The following DPYD variants were observed in gnomAD, a reference collection of about 807,000 sequenced individuals.
DPYD encodes the protein dihydropyrimidine dehydrogenase, also known as dihydropyrimidine dehydrogenase [NADP(+)].
A neutral mutation model predicts 116.2 loss-of-function variants in DPYD; 109 were observed. That is an observed-to-expected ratio of 0.94 (90% CI 0.80 to 1.10). The LOEUF is 1.10. DPYD is among the 50% of genes least tolerant of loss of function. The pLI, the probability that DPYD is intolerant of heterozygous loss-of-function variation, is 0.00. For missense variants in DPYD, 1,302 were observed against 1,254.5 expected, an observed-to-expected ratio of 1.04 and a Z score of -0.57; for synonymous variants, 440 against 432.0, an observed-to-expected ratio of 1.02 and a Z score of -0.23.
At chr1:97,087,560 G>A (rs1374701995) in intron 21 of DPYD, among the ~76,000 whole-genome samples, 1 of 152,186 alleles carries the variant, frequency 6.6e-6, no homozygotes, top group Non-Finnish European at 1.5e-5. Context: ...GCTTGGGTGA[G>A]AGGGAGATTA....
chr1:97,812,540 A>C (rs867099430), intron 3 of DPYD, among the ~76,000 whole-genome samples: 1 of 152,162 alleles, frequency 6.6e-6, no homozygotes, highest in African/African-American at 2.4e-5. Flanking sequence ...ACAGTAACAC[A>C]ATAATCTAGA....
chr1:97,642,661 C>G (rs1345564814), intron 8 of DPYD, among the ~76,000 whole-genome samples: 3 of 139,532 alleles, frequency 2.2e-5, no homozygotes, highest in Non-Finnish European at 4.5e-5. Context: ...TGTTCTCACT[C>G]ATAGGTGGGA....
intron 1 of DPYD, among the ~76,000 whole-genome samples, chr1:97,887,842 G>C (rs756469802): frequency 3.3e-5 from 5 of 152,014 alleles, no homozygotes; most frequent in Admixed American, 6.6e-5. Context: ...CTGTTCTCAT[G>C]ATAGTGAGTG....
At chr1:97,901,762 C>T (rs888069152) in intron 1 of DPYD, among the ~76,000 whole-genome samples, 13 of 151,754 alleles carry the variant, frequency 8.6e-5, no homozygotes, top group Middle Eastern at 6.8e-3. Context: ...GTCTCCAGTG[C>T]CTTTCAATTA....
In DPYD at chr1:97,534,974, G is replaced by T. The variant is rs1198357607; in HGVS notation, c.1524+14586C>A. Among the ~76,000 whole-genome samples the T allele has an allele frequency of 2.0e-5, 3 of 152,052 alleles. No individual in the cohort carries two copies. The East Asian group carries it at 5.8e-4, about 29-fold the overall frequency. On this transcript the variant is annotated intron_variant, in intron 12 of 22. Transcript: ENST00000370192. Reference sequence around the variant, plus strand: ...ATGAGGTTCAAGATAACGTATTGGAGATTTTAAAAGTTGTTAAGTCCTTGA... The same window carrying T: ...ATGAGGTTCAAGATAACGTATTGGATATTTTAAAAGTTGTTAAGTCCTTGA...
intron 20 of DPYD, among the ~76,000 whole-genome samples, chr1:97,172,395 C>A (rs1656791081): frequency 6.6e-6 from 1 of 152,096 alleles, no homozygotes; most frequent in South Asian, 2.1e-4. Context: ...AAGTATAGAT[C>A]TGATTTCTGT....
intron 20 of DPYD, among the ~76,000 whole-genome samples, chr1:97,171,037 T>C (rs1478156146): frequency 1.3e-5 from 2 of 152,120 alleles, no homozygotes; most frequent in African/African-American, 4.8e-5. Flanking sequence ...AAGGCATTGG[T>C]AGGGAAAATA....
At chr1:97,379,390 G>T (rs1164812204) in intron 15 of DPYD, among the ~76,000 whole-genome samples, 1 of 152,160 alleles carries the variant, frequency 6.6e-6, no homozygotes, top group Non-Finnish European at 1.5e-5. Context: ...GTTAAACTTG[G>T]TAATGATGCA....
At chr1:97,708,103 C>G (rs549879307) in intron 5 of DPYD, among the ~76,000 whole-genome samples, 1 of 152,040 alleles carries the variant, frequency 6.6e-6, no homozygotes, top group South Asian at 2.1e-4. Flanking sequence ...TCTGAGTAGC[C>G]AGGACTACAG....
At chr1:97,379,803 T>C (rs1301584612) in intron 15 of DPYD, among the ~76,000 whole-genome samples, 2 of 152,192 alleles carry the variant, frequency 1.3e-5, no homozygotes, top group Admixed American at 1.3e-4. Flanking sequence ...GACAGGAGAC[T>C]GAAGGAGCCA....
chr1:97,192,312 T>A (rs1367511311), intron 20 of DPYD, among the ~76,000 whole-genome samples: 3 of 152,100 alleles, frequency 2.0e-5, no homozygotes, highest in African/African-American at 7.2e-5. Flanking sequence ...AATTATTAAA[T>A]GCTTCCTTAA....
Position 97,486,355 on chromosome 1 carries a change from G to A in DPYD, c.1740+29371C>T, listed in dbSNP as rs150809634. 2.5e-3 allele frequency among the ~76,000 whole-genome samples: 376 copies of A among 152,166 alleles called. 1 individual carries two copies. Among genetic ancestry groups the A allele is most frequent in the African/African-American group, 8.6e-3 (359 of 41,540 alleles). ...TTTCATTTGTACTATACTCCATTAC[G>A]TATGAAATAACAGATGCACATTTTT... On this transcript the variant is annotated intron_variant, in intron 13 of 22. Transcript: ENST00000370192.
intron 3 of DPYD, among the ~76,000 whole-genome samples, chr1:97,794,828 T>A (rs1239580853): frequency 1.3e-5 from 2 of 152,192 alleles, no homozygotes; most frequent in Non-Finnish European, 2.9e-5. Context: ...ATCTTTCACA[T>A]CTTTCACAAG....
intron 20 of DPYD, among the ~76,000 whole-genome samples, chr1:97,165,997 C>G (rs976507861): frequency 6.6e-6 from 1 of 151,962 alleles, no homozygotes; most frequent in East Asian, 1.9e-4. Flanking sequence ...TTAGTTTAAC[C>G]ATTGTGGAAA....
chr1:97,917,133 T>C (rs1369695682), intron 1 of DPYD, among the ~76,000 whole-genome samples: 1 of 152,224 alleles, frequency 6.6e-6, no homozygotes, highest in East Asian at 1.9e-4. Flanking sequence ...TTTAAGAATA[T>C]ATTTCCAAAA....
chr1:97,888,013 C>G (rs529184482), intron 1 of DPYD, among the ~76,000 whole-genome samples: 1 of 152,044 alleles, frequency 6.6e-6, no homozygotes, highest in African/African-American at 2.4e-5. Flanking sequence ...GTCAGTTAAA[C>G]CACTTTCCTT....
chr1:97,515,366 C>T (rs979166033), intron 13 of DPYD, among the ~76,000 whole-genome samples: 3 of 151,862 alleles, frequency 2.0e-5, no homozygotes, highest in African/African-American at 7.3e-5. Flanking sequence ...AAATTGAATT[C>T]CAGAATTTTG....
chr1:97,429,842 G>T (rs1675074750), intron 14 of DPYD, among the ~76,000 whole-genome samples: 1 of 151,982 alleles, frequency 6.6e-6, no homozygotes, highest in African/African-American at 2.4e-5. Flanking sequence ...TGTTTTCTCT[G>T]GATTTAAGAG....
chr1:97,118,484 A>G (rs529008075), intron 20 of DPYD, among the ~76,000 whole-genome samples: 1 of 152,298 alleles, frequency 6.6e-6, no homozygotes, highest in African/African-American at 2.4e-5. Context: ...TATAAAGTAG[A>G]TTCCATGCTT....
Sources: gnomAD v4.1 joint callset for allele counts (sites outside exome capture counted in the v4.1 genomes callset) on GRCh38, gnomAD v4.1.1 for gene constraint, MANE v1.5 for transcripts, NCBI Gene and HGNC (gene_info 2026-07-23, HGNC 2026-07-21) for gene names.